The following FBXO38 variants were observed in gnomAD, a reference collection of about 807,000 sequenced individuals.
FBXO38 encodes F-box protein 38.
A neutral mutation model predicts 131.9 loss-of-function variants in FBXO38; 53 were observed. That is an observed-to-expected ratio of 0.40 (90% CI 0.32 to 0.51). FBXO38 has a LOEUF of 0.51. Among genes scored for constraint, FBXO38 ranks in the 20% least tolerant of loss-of-function variants. FBXO38 has a pLI of 0.53. For missense variants in FBXO38, 1,076 were observed against 1,475.6 expected (o/e 0.73, Z 4.44); for synonymous variants, 452 against 505.6 (o/e 0.89, Z 1.42).
In FBXO38 at chr5:148,406,428, A is replaced by T. The variant is rs752183500; in HGVS notation, c.868+34A>T. 1.0e-5 allele frequency: 15 copies of T among 1,482,722 alleles called. No individual in the cohort carries two copies. The African/African-American group carries it at 1.9e-4, about 19-fold the overall frequency. 91.8% of individuals were successfully genotyped at this position (1,482,722 alleles called of 1,614,324 possible). On this transcript the variant is annotated intron_variant, in intron 7 of 21. Coordinates refer to ENST00000340253, the MANE Select transcript of FBXO38 (RefSeq NM_205836.3). ...TTTCTTTAATTACTAAATATTTTTT[A>T]AAAATCAACTTAAAATAATCATTAA... is the stretch of plus-strand genomic sequence containing the variant.
intron 20 of FBXO38, 68 bp downstream of exon 20, chr5:148,440,595 C>T (rs866398851): frequency 6.5e-6 from 6 of 925,780 alleles, no homozygotes; most frequent in African/African-American, 3.4e-5. Context: ...ATCCCAGCGA[C>T]TCAGGAGGCT....
chr5:148,436,537 T>G (rs1322277505), intron 17 of FBXO38, among the ~76,000 whole-genome samples: 1 of 152,162 alleles, frequency 6.6e-6, no homozygotes, highest in African/African-American at 2.4e-5. Flanking sequence ...AAAACACTTC[T>G]GGTCCCAAGC....
At chr5:148,420,967 ATT>A (rs556069655) in intron 12 of FBXO38, among the ~76,000 whole-genome samples, 1 of 145,180 alleles carries the variant, frequency 6.9e-6, no homozygotes, top group Non-Finnish European at 1.5e-5. Flanking sequence ...AAGAATTTTA[ATT>A]TTTTTTTTTT....
chr5:148,413,191 G>A (rs1043937999), intron 9 of FBXO38: 1 of 152,130 alleles, frequency 6.6e-6, no homozygotes, highest in African/African-American at 2.4e-5. Context: ...GATGTGCCAG[G>A]AGATACCAAA....
At chr5:148,394,932 G>C (rs761916498) in intron 2 of FBXO38, 28 bp downstream of exon 2, 2 of 1,542,544 alleles carry the variant, frequency 1.3e-6, no homozygotes, top group Non-Finnish European at 8.7e-7. Flanking sequence ...TGGCTTACCT[G>C]CCTGGAATGG....
At chr5:148,424,236 C>T in intron 13 of FBXO38, 119 bp downstream of exon 13, 1 of 949,502 alleles carries the variant, frequency 1.1e-6, no homozygotes, top group East Asian at 2.5e-5. Context: ...ACGTTTTATG[C>T]TATTGATTAC....
At chr5:148,436,129 T>G (rs941257586) in intron 17 of FBXO38, among the ~76,000 whole-genome samples, 2 of 152,210 alleles carry the variant, frequency 1.3e-5, no homozygotes, top group African/African-American at 4.8e-5. Flanking sequence ...GAGCACGTGC[T>G]TACTAAAAAA....
At chr5:148,438,265 C>T in intron 17 of FBXO38, 67 bp from the exon 18 acceptor site, 3 of 1,454,716 alleles carry the variant, frequency 2.1e-6, no homozygotes, top group Non-Finnish European at 2.8e-6. Flanking sequence ...TATTTTGTGC[C>T]AACAAAAATT....
At chr5:148,433,126 A>G (rs951028521) in intron 15 of FBXO38, 3 of 239,754 alleles carry the variant, frequency 1.3e-5, no homozygotes, top group East Asian at 2.0e-4. Context: ...CAATTCACCA[A>G]TAGTATTTAG....
intron 2 of FBXO38, among the ~76,000 whole-genome samples, chr5:148,397,260 T>C (rs1420841115): frequency 6.6e-6 from 1 of 152,196 alleles, no homozygotes; most frequent in African/African-American, 2.4e-5. Flanking sequence ...TAAAGTGTTA[T>C]ATTTGATCTG....
rs755084155 is a variant in FBXO38, at chr5:148,433,465, C to T, written c.2695C>T (p.Arg899Trp). The change falls in exon 16 of 22, where the codon CGG (arginine) becomes TGG (tryptophan). Residue 899 changes from arginine (R) to tryptophan (W), a missense_variant. Transcript: ENST00000340253. ...TKPRHAMKRK[R>W]TADKSTSTSD... ...GCCACGTCACGCCATGAAACGGAAG[C>T]GGACAGCAGATAAATCCACTAGTAC... The T allele has an allele frequency of 1.2e-5, 19 of 1,613,546 alleles. No homozygotes were observed. The highest frequency in any genetic ancestry group is 2.2e-5 in the East Asian group (1 of 44,868).
At chr5:148,398,857 ATG>A in intron 2 of FBXO38, 140 bp from the exon 3 acceptor site, 1 of 903,790 alleles carries the variant, frequency 1.1e-6, no homozygotes, top group Non-Finnish European at 1.7e-6. Flanking sequence ...GTATGACCGT[ATG>A]TGTGGTAGCT....
At chr5:148,405,000 T>C (rs922028206) in intron 6 of FBXO38, among the ~76,000 whole-genome samples, 178 bp downstream of exon 6, 61 of 151,882 alleles carry the variant, frequency 4.0e-4, no homozygotes, top group African/African-American at 1.4e-3. Context: ...GAAAGATGAT[T>C]TGTGTTTGAC....
At chr5:148,416,855 T>G (rs1753082842) in intron 11 of FBXO38, 139 bp from the exon 12 acceptor site, 1 of 621,374 alleles carries the variant, frequency 1.6e-6, no homozygotes, top group African/African-American at 1.8e-5. Context: ...GGATTTTCTA[T>G]GTGTATGTGA....
In FBXO38 at chr5:148,394,717, CTT is replaced by C; in HGVS notation, c.-58_-57del. The C allele has an allele frequency of 7.0e-7, 1 of 1,435,408 alleles. No individual in the cohort carries two copies. The highest frequency in any genetic ancestry group is 9.2e-7 in the Non-Finnish European group (1 of 1,089,544). The allele number at this position is 1,435,408 out of a possible 1,614,324, so 88.9% of individuals were successfully genotyped here. A position where few individuals can be genotyped will look rare whatever the true frequency, so the allele number is the denominator to read the frequency against. On this transcript the variant is annotated 5_prime_UTR_variant, in exon 2 of 22. Transcript: ENST00000340253. ...CTTCGTTCTGTTTGCTTTTCAGGTACTTTGAACTCAAGTAAACAAAAGGGAAG... is the reference window on the plus strand; with the variant it reads ...CTTCGTTCTGTTTGCTTTTCAGGTACTGAACTCAAGTAAACAAAAGGGAAG...
intron 12 of FBXO38, among the ~76,000 whole-genome samples, chr5:148,422,476 A>C (rs1753496957): frequency 6.6e-6 from 1 of 152,178 alleles, no homozygotes; most frequent in Non-Finnish European, 1.5e-5. Context: ...TCTCTGTCAC[A>C]TCACACTTTT....
intron 17 of FBXO38, chr5:148,434,714 T>TA (rs1203661130): frequency 1.3e-5 from 2 of 152,252 alleles, no homozygotes; most frequent in Non-Finnish European, 2.9e-5. Flanking sequence ...TTCCAGCACA[T>TA]ATAAAAGTTA....
chr5:148,428,269 G>GCT (rs1414290245), intron 15 of FBXO38, among the ~76,000 whole-genome samples: 5 of 152,210 alleles, frequency 3.3e-5, no homozygotes, highest in Non-Finnish European at 5.9e-5. Flanking sequence ...CACACTTAGA[G>GCT]AAGTCTTAAC....
At chr5:148,390,263 T>C (rs1285773021) in intron 1 of FBXO38, among the ~76,000 whole-genome samples, 1 of 152,128 alleles carries the variant, frequency 6.6e-6, no homozygotes, top group East Asian at 1.9e-4. Context: ...AAATAAAATA[T>C]TTTTTGACCG....
Sources: gnomAD v4.1 joint callset for allele counts (sites outside exome capture counted in the v4.1 genomes callset) on GRCh38, gnomAD v4.1.1 for gene constraint, MANE v1.5 for transcripts, NCBI Gene and HGNC (gene_info 2026-07-23, HGNC 2026-07-21) for gene names.